Variants in ANKRD50 observed in about 807,000 individuals in gnomAD.
ANKRD50 encodes the protein ankyrin repeat domain 50.
In ANKRD50, 40 loss-of-function variants were observed where a neutral mutation model predicts 112.0. The observed-to-expected ratio is 0.36, with a 90% CI of 0.28 to 0.46. The LOEUF (loss-of-function observed/expected upper bound fraction) is 0.46, where lower values mean the gene tolerates loss of function less well. Ranked by LOEUF, ANKRD50 falls within the 20% of genes least tolerant of loss-of-function variation. The pLI is 1.00. For synonymous variants in ANKRD50, 613 were observed against 619.1 expected, an observed-to-expected ratio of 0.99 and a Z score of 0.15; for missense variants, 1,487 against 1,701.7, an observed-to-expected ratio of 0.87 and a Z score of 2.22.
intron 2 of ANKRD50, among the ~76,000 whole-genome samples, chr4:124,684,410 GTTTACTACACCCAATACCT>G (rs1195465798): frequency 6.6e-6 from 1 of 152,070 alleles, no homozygotes; most frequent in Non-Finnish European, 1.5e-5. Flanking sequence ...AACCCGTAGA[GTTTACTACACCCAATACCT>G]TTTACTACAC....
At chr4:124,696,419 C>T (rs1389274685) in intron 2 of ANKRD50, among the ~76,000 whole-genome samples, 1 of 151,836 alleles carries the variant, frequency 6.6e-6, no homozygotes, top group African/African-American at 2.4e-5. Context: ...CAATTGTGGT[C>T]CCCAAAGAAA....
At chr4:124,709,207 AT>A (rs1303681063) in intron 2 of ANKRD50, among the ~76,000 whole-genome samples, 1 of 151,628 alleles carries the variant, frequency 6.6e-6, no homozygotes, top group Admixed American at 6.6e-5. Flanking sequence ...CAAACTAACA[AT>A]TTGCCTGCTA....
chr4:124,669,799 C>A lies in ANKRD50; in HGVS notation c.3478G>T (p.Ala1160Ser). 1.2e-6 allele frequency: 2 copies of A among 1,613,344 alleles called. No homozygotes were observed. Among genetic ancestry groups the A allele is most frequent in the Non-Finnish European group, 1.7e-6 (2 of 1,179,732 alleles). Residue 1160 changes from alanine (A) to serine (S), a missense_variant, in exon 4 of 5, where the codon GCT (alanine) becomes TCT (serine). By Grantham distance (99) the Ala-to-Ser change is moderately conservative. Around this residue, in one of 2 missense-constraint regions of ANKRD50, gnomAD observed 441 missense variants for 432.2 expected, o/e 1.02. Transcript: ENST00000504087. ...LRGLPNGPTH[A>S]FSSPSESPDS... is the part of the protein sequence containing the mutation. ...GGAGATTCTGAAGGAGAACTAAAAGCATGAGTAGGCCCATTAGGTAAACCA... is the reference window on the plus strand; with the variant it reads ...GGAGATTCTGAAGGAGAACTAAAAGAATGAGTAGGCCCATTAGGTAAACCA...
At chr4:124,678,361 A>C (rs1724791746) in intron 3 of ANKRD50, among the ~76,000 whole-genome samples, 1 of 152,124 alleles carries the variant, frequency 6.6e-6, no homozygotes, top group Admixed American at 6.6e-5. Context: ...GTAATCTCAA[A>C]CATCAGAAAA....
chr4:124,699,244 A>C (rs943709942), intron 2 of ANKRD50, among the ~76,000 whole-genome samples: 1 of 145,188 alleles, frequency 6.9e-6, no homozygotes, highest in African/African-American at 2.6e-5. Context: ...TCAGATTTAG[A>C]AGCAGATATG....
chr4:124,669,297 T>C lies in ANKRD50; in HGVS notation c.3980A>G (p.Gln1327Arg). 1 of 1,613,792 alleles carries C rather than the reference T, an allele frequency of 6.2e-7. No homozygotes were observed. Among genetic ancestry groups the C allele is most frequent in the Non-Finnish European group, 8.5e-7 (1 of 1,179,820 alleles). Reference sequence around the variant, plus strand: ...AGCTGAAGGTATCATAATTTTGCATTGAGATTCTGCTGGCATTTGTTTAGG... The same window carrying C: ...AGCTGAAGGTATCATAATTTTGCATCGAGATTCTGCTGGCATTTGTTTAGG... ...APPKQMPAES[Q>R]CKIMIPSAQQ... Residue 1327 changes from glutamine (Q) to arginine (R), a missense_variant, in exon 4 of 5, where the codon CAA (glutamine) becomes CGA (arginine). By Grantham distance (43) the Gln-to-Arg change is conservative. Around this residue, in one of 2 missense-constraint regions of ANKRD50, gnomAD observed 441 missense variants for 432.2 expected, o/e 1.02. Transcript: ENST00000504087.
intron 2 of ANKRD50, among the ~76,000 whole-genome samples, chr4:124,698,468 T>C (rs769300965): frequency 3.3e-5 from 5 of 151,872 alleles, no homozygotes; most frequent in Non-Finnish European, 7.4e-5. Flanking sequence ...GAGTAAGGGT[T>C]GGGAGGTGGG....
intron 2 of ANKRD50, among the ~76,000 whole-genome samples, chr4:124,706,445 T>TA (rs1306901890): frequency 2.6e-5 from 4 of 152,068 alleles, no homozygotes; most frequent in Non-Finnish European, 4.4e-5. Flanking sequence ...ATTAACAAAT[T>TA]ACGATTTAGC....
chr4:124,692,776 C>T (rs933946910), intron 2 of ANKRD50, among the ~76,000 whole-genome samples: 1 of 152,144 alleles, frequency 6.6e-6, no homozygotes, highest in Non-Finnish European at 1.5e-5. Flanking sequence ...CTTGGACTTT[C>T]CAGCATCCAG....
chr4:124,669,273 G>T lies in ANKRD50; in HGVS notation c.4004C>A (p.Ala1335Asp). The T allele has an allele frequency of 6.2e-7, 1 of 1,613,808 alleles. No individual in the cohort carries two copies. ...TTGAGATCGACCAATTTCCTGCTGA[G>T]CTGAAGGTATCATAATTTTGCATTG... ...ESQCKIMIPS[A>D]QQEIGRSQQQ... Residue 1335 changes from alanine to aspartate, a missense_variant, in exon 4 of 5, where the codon GCT becomes GAT. Coordinates refer to ENST00000504087, the MANE Select transcript of ANKRD50 (RefSeq NM_020337.3).
chr4:124,711,770 AAAC>A (rs1725638703), intron 1 of ANKRD50, among the ~76,000 whole-genome samples: 1 of 152,010 alleles, frequency 6.6e-6, no homozygotes, highest in South Asian at 2.1e-4. Flanking sequence ...TAAAAAAAAA[AAAC>A]AAAAACGATG....
rs952840410 is a variant in ANKRD50 at position 124,708,460 on chromosome 4, G to A, written c.512+1540C>T. Among the ~76,000 whole-genome samples the A allele has an allele frequency of 3.9e-5, 6 of 152,014 alleles. No individual in the cohort carries two copies. In the East Asian group the frequency reaches 9.6e-4, roughly 24 times the overall value. On this transcript the variant is annotated intron_variant, in intron 2 of 4. Coordinates refer to ENST00000504087, the MANE Select transcript of ANKRD50 (RefSeq NM_020337.3). Reference sequence around the variant, plus strand: ...CTACAAGAATATCACACCTCTCAAAGATACATCCCTTTGGCTGACTTTAAT... The same window carrying A: ...CTACAAGAATATCACACCTCTCAAAAATACATCCCTTTGGCTGACTTTAAT...
At chr4:124,695,089 A>C (rs1008818837) in intron 2 of ANKRD50, among the ~76,000 whole-genome samples, 1 of 152,218 alleles carries the variant, frequency 6.6e-6, no homozygotes, top group Non-Finnish European at 1.5e-5. Flanking sequence ...AGCCAGAGAA[A>C]TCTTGTTTAT....
At position 124,664,292 on chromosome 4, in the gene ANKRD50, A is replaced by C. The variant is rs1183465772; in HGVS notation, c.*3226T>G. 1 of 151,750 alleles carries C rather than the reference A, an allele frequency of 6.6e-6. No homozygotes were observed. Among genetic ancestry groups the C allele is most frequent in the Admixed American group, 6.6e-5 (1 of 15,216 alleles). 9.4% of individuals were successfully genotyped at this position (151,750 alleles called of 1,614,324 possible). On this transcript the variant is annotated 3_prime_UTR_variant, in exon 5 of 5. Transcript: ENST00000504087. ...TCTTTAAAAAGGCTTAGGAAGACAT[A>C]AACAGTAAATCTTTGTTTTTCTACC...
Position 124,665,565 on chromosome 4 carries a change from TTGAGA to T in ANKRD50, c.*1948_*1952del, listed in dbSNP as rs1231398769. 2 of 152,394 alleles carry T rather than the reference TTGAGA, an allele frequency of 1.3e-5. No homozygotes were observed. The allele number at this position is 152,394 out of a possible 1,614,324, so 9.4% of individuals were successfully genotyped here. A position where few individuals can be genotyped will look rare whatever the true frequency, so the allele number is the denominator to read the frequency against. Reference sequence around the variant, plus strand: ...CTACAGTAATGTAAATGTACTGTATTTGAGATATGAGTAAAGTTGGTTCTAATAAT... The same window carrying T: ...CTACAGTAATGTAAATGTACTGTATTTATGAGTAAAGTTGGTTCTAATAAT... On this transcript the variant is annotated 3_prime_UTR_variant, in exon 5 of 5. Transcript: ENST00000504087.
intron 2 of ANKRD50, among the ~76,000 whole-genome samples, chr4:124,695,400 G>A (rs1443082411): frequency 6.6e-6 from 1 of 152,114 alleles, no homozygotes; most frequent in Non-Finnish European, 1.5e-5. Context: ...TCTACCAGGA[G>A]AACCAAACCG....
intron 3 of ANKRD50, among the ~76,000 whole-genome samples, chr4:124,674,261 C>T (rs889261732): frequency 4.0e-5 from 6 of 151,826 alleles, no homozygotes; most frequent in African/African-American, 1.5e-4. Context: ...CTTTATATTA[C>T]ACTACTTGAT....
intron 2 of ANKRD50, among the ~76,000 whole-genome samples, chr4:124,706,338 A>G (rs1725503138): frequency 6.6e-6 from 1 of 152,106 alleles, no homozygotes; most frequent in African/African-American, 2.4e-5. Context: ...AAAACTATAG[A>G]ATATACTATA....
rs1176617356 is a variant in ANKRD50 at position 124,710,902 on chromosome 4, T to C, written c.-391A>G. ...ACCCAATCTTTCAATTTGTACAAAA[T>C]GCTTCTCCAGATTCCAAGTGTTAAT... On this transcript the variant is annotated 5_prime_UTR_variant, in exon 2 of 5. Coordinates refer to ENST00000504087, the MANE Select transcript of ANKRD50 (RefSeq NM_020337.3). The C allele has an allele frequency of 4.7e-6, 2 of 421,816 alleles. No homozygotes were observed. The highest frequency in any genetic ancestry group is 8.4e-6 in the Non-Finnish European group (2 of 238,204). The allele number at this position is 421,816 out of a possible 1,614,324, so 26.1% of individuals were successfully genotyped here. A position where few individuals can be genotyped will look rare whatever the true frequency, so the allele number is the denominator to read the frequency against.
Sources: allele counts gnomAD v4.1 joint callset (sites outside exome capture counted in the v4.1 genomes callset), GRCh38; gene constraint gnomAD v4.1.1; regional missense constraint gnomAD v4.1.1; transcripts MANE v1.5; gene names NCBI Gene and HGNC (gene_info 2026-07-23, HGNC 2026-07-21).